The following TOX3 variants were observed in gnomAD, a reference collection of about 807,000 sequenced individuals.
TOX3 encodes TOX high mobility group box family member 3, also known as CAG trinucleotide repeat-containing gene F9 protein.
TOX3 carries 22 observed loss-of-function variants against 64.3 expected under a neutral mutation model. The ratio of observed to expected loss-of-function variants is 0.34; its 90% CI spans 0.24 to 0.49. The LOEUF is 0.49. TOX3 is among the 20% of genes least tolerant of loss of function. The probability of loss-of-function intolerance (pLI) is 0.99; values close to 1 mark genes in which losing one functional copy is unlikely to be tolerated. For missense variants in TOX3, 661 were observed against 714.4 expected, an observed-to-expected ratio of 0.93 and a Z score of 0.85; for synonymous variants, 291 against 273.6, an observed-to-expected ratio of 1.06 and a Z score of -0.63.
intron 3 of TOX3, among the ~76,000 whole-genome samples, chr16:52,451,616 C>T (rs1960350524): frequency 6.6e-6 from 1 of 152,188 alleles, no homozygotes; most frequent in African/African-American, 2.4e-5. Context: ...GAATTCTTAA[C>T]TGTTCCTTTT....
intron 4 of TOX3, among the ~76,000 whole-genome samples, chr16:52,449,167 T>C (rs1567311988): frequency 6.6e-6 from 1 of 152,216 alleles, no homozygotes; most frequent in African/African-American, 2.4e-5. Context: ...ATTCTCTATA[T>C]AGCCAAAGTT....
intron 4 of TOX3, 107 bp downstream of exon 4, chr16:52,450,170 T>G (rs1053332131): frequency 8.8e-6 from 12 of 1,363,270 alleles, no homozygotes; most frequent in Middle Eastern, 1.9e-4. Context: ...TAAATGCTAC[T>G]CCAAATCCAT....
chr16:52,528,802 C>T (rs932312420), intron 1 of TOX3, among the ~76,000 whole-genome samples: 1 of 152,152 alleles, frequency 6.6e-6, no homozygotes, highest in African/African-American at 2.4e-5. Flanking sequence ...TGAAAGCAAT[C>T]TAAGAGGGTG....
chr16:52,462,260 TA>T (rs1177715713), intron 3 of TOX3, among the ~76,000 whole-genome samples: 1 of 152,052 alleles, frequency 6.6e-6, no homozygotes, highest in African/African-American at 2.4e-5. Context: ...AAAGAAGCAT[TA>T]AAAATTGAGT....
intron 1 of TOX3, among the ~76,000 whole-genome samples, chr16:52,528,985 A>G (rs186449313): frequency 6.6e-6 from 1 of 152,346 alleles, no homozygotes; most frequent in East Asian, 1.9e-4. Flanking sequence ...CTCAGGGATC[A>G]TGGGATTTAC....
intron 1 of TOX3, among the ~76,000 whole-genome samples, chr16:52,481,182 A>C (rs1053565208): frequency 1.3e-5 from 2 of 152,222 alleles, no homozygotes; most frequent in Non-Finnish European, 2.9e-5. Context: ...TTTCTTCAAG[A>C]GGGCATTGTG....
At chr16:52,489,956 C>T (rs1334514624) in intron 1 of TOX3, among the ~76,000 whole-genome samples, 1 of 152,166 alleles carries the variant, frequency 6.6e-6, no homozygotes, top group African/African-American at 2.4e-5. Flanking sequence ...CCAATTTCCT[C>T]CCTTCAAACC....
At chr16:52,488,402 C>T (rs1462149111) in intron 1 of TOX3, among the ~76,000 whole-genome samples, 1 of 152,142 alleles carries the variant, frequency 6.6e-6, no homozygotes, top group Admixed American at 6.5e-5. Flanking sequence ...ATGGTTAATT[C>T]TTCCTCTGCT....
intron 1 of TOX3, among the ~76,000 whole-genome samples, chr16:52,469,712 T>C (rs1422495693): frequency 2.0e-5 from 3 of 152,064 alleles, no homozygotes; most frequent in Non-Finnish European, 4.4e-5. Flanking sequence ...AGATAAATAT[T>C]GAGAATAAAT....
intron 1 of TOX3, among the ~76,000 whole-genome samples, chr16:52,541,435 G>T (rs919207182): frequency 6.6e-6 from 1 of 152,166 alleles, no homozygotes; most frequent in South Asian, 2.1e-4. Context: ...GAAACAGGCC[G>T]TGATGAACTA....
intron 1 of TOX3, among the ~76,000 whole-genome samples, chr16:52,470,449 G>A (rs1318149181): frequency 1.3e-5 from 2 of 152,094 alleles, no homozygotes; most frequent in East Asian, 3.9e-4. Flanking sequence ...TTTTTTTTAA[G>A]ATTAAACTTA....
Position 52,464,253 on chromosome 16 carries a change from G to A in TOX3, c.154-65C>T, listed in dbSNP as rs796231739. 7.3e-6 allele frequency: 10 copies of A among 1,367,320 alleles called. No individual in the cohort carries two copies. The African/African-American group carries it at 1.5e-4, about 20-fold the overall frequency. The allele number at this position is 1,367,320 out of a possible 1,614,324, so 84.7% of individuals were successfully genotyped here. A position where few individuals can be genotyped will look rare whatever the true frequency, so the allele number is the denominator to read the frequency against. ...CCTATATCTTATTCCTCCGGGGAGGGAAAGAGAAAGACATTGCATGAAAAC... is the reference window on the plus strand; with the variant it reads ...CCTATATCTTATTCCTCCGGGGAGGAAAAGAGAAAGACATTGCATGAAAAC... On this transcript the variant is annotated intron_variant, in intron 2 of 6. Coordinates refer to ENST00000219746, the MANE Select transcript of TOX3 (RefSeq NM_001080430.4).
At chr16:52,444,068 A>T (rs1960087044) in intron 6 of TOX3, among the ~76,000 whole-genome samples, 1 of 152,218 alleles carries the variant, frequency 6.6e-6, no homozygotes, top group Non-Finnish European at 1.5e-5. Context: ...GAAATCTTTC[A>T]GAAACAACTT....
At chr16:52,490,081 T>A (rs547499000) in intron 1 of TOX3, among the ~76,000 whole-genome samples, 1 of 152,280 alleles carries the variant, frequency 6.6e-6, no homozygotes, top group East Asian at 1.9e-4. Context: ...GCATATGATG[T>A]GATTTTTTAA....
chr16:52,508,709 G>C (rs1228795427), intron 1 of TOX3, among the ~76,000 whole-genome samples: 3 of 152,052 alleles, frequency 2.0e-5, no homozygotes, highest in Non-Finnish European at 4.4e-5. Flanking sequence ...GGGCAGGAAG[G>C]GAGGGAGTTG....
intron 1 of TOX3, among the ~76,000 whole-genome samples, chr16:52,539,819 T>C (rs1160240237): frequency 2.0e-5 from 3 of 152,168 alleles, no homozygotes; most frequent in Non-Finnish European, 4.4e-5. Flanking sequence ...GTCTTACCAT[T>C]CGTCCAGGCC....
chr16:52,502,973 C>A (rs12598982), intron 1 of TOX3, among the ~76,000 whole-genome samples: 1 of 151,960 alleles, frequency 6.6e-6, no homozygotes, highest in African/African-American at 2.4e-5. Context: ...GTTGCAACTA[C>A]ACGAAAAGCA....
chr16:52,515,967 T>TTGTGTG lies in TOX3; in HGVS notation c.87+30664_87+30669dup, dbSNP rs3086690. ...TTTCTTTCCCATTTGAAATGTGTGC[T>TTGTGTG]TGTGTGTGTGTGTGTGTGTGTATCT... On this transcript the variant is annotated intron_variant, in intron 1 of 6. Transcript: ENST00000219746. Among the ~76,000 whole-genome samples, 1,028 of 149,712 alleles carry TTGTGTG rather than the reference T, an allele frequency of 6.9e-3. 7 individuals carry two copies. The highest frequency in any genetic ancestry group is 0.023 in the African/African-American group (929 of 40,710).
intron 1 of TOX3, among the ~76,000 whole-genome samples, chr16:52,524,631 C>T (rs1962684078): frequency 1.3e-5 from 2 of 152,164 alleles, no homozygotes; most frequent in Non-Finnish European, 2.9e-5. Flanking sequence ...AAGAACACGG[C>T]CACTCCTCCC....
Sources: gnomAD v4.1 joint callset for allele counts (sites outside exome capture counted in the v4.1 genomes callset) on GRCh38, gnomAD v4.1.1 for gene constraint, MANE v1.5 for transcripts, NCBI Gene and HGNC (gene_info 2026-07-23, HGNC 2026-07-21) for gene names.